The following SHANK2 variants were observed in gnomAD, a reference collection of about 807,000 sequenced individuals.
The protein encoded by SHANK2 is SH3 and multiple ankyrin repeat domains protein 2.
SHANK2 carries 43 observed loss-of-function variants against 133.7 expected under a neutral mutation model. That is an observed-to-expected ratio of 0.32 (90% CI 0.25 to 0.41). The LOEUF (loss-of-function observed/expected upper bound fraction) is 0.41. SHANK2 is among the 10% of genes least tolerant of loss of function. The pLI is 1.00. For missense variants in SHANK2, 1,994 were observed against 2,235.8 expected (o/e 0.89, Z 2.18); for synonymous variants, 1,017 against 952.8 (o/e 1.07, Z -1.24).
intron 11 of SHANK2, among the ~76,000 whole-genome samples, chr11:70,888,783 C>T (rs1240466806): frequency 2.6e-5 from 4 of 151,628 alleles, no homozygotes; most frequent in African/African-American, 4.8e-5. Flanking sequence ...CTCCACTGTA[C>T]TCCAGCCTGG....
intron 1 of SHANK2, among the ~76,000 whole-genome samples, chr11:71,229,676 C>T (rs781902404): frequency 6.6e-6 from 1 of 150,688 alleles, no homozygotes; most frequent in Non-Finnish European, 1.5e-5. Context: ...AGGAGAATAG[C>T]CTGAACCAGG....
chr11:70,636,114 A>G (rs531158715), intron 17 of SHANK2, among the ~76,000 whole-genome samples: 3 of 152,188 alleles, frequency 2.0e-5, no homozygotes, highest in Admixed American at 6.5e-5. Context: ...GCCTTCCCTG[A>G]CCACTCTGTC....
At chr11:70,788,022 G>A (rs1293832801) in intron 14 of SHANK2, among the ~76,000 whole-genome samples, 2 of 152,222 alleles carry the variant, frequency 1.3e-5, no homozygotes, top group Non-Finnish European at 2.9e-5. Flanking sequence ...GTTTGGAACT[G>A]TGTGCTCTGA....
At chr11:71,079,954 A>T (rs1951275987) in intron 8 of SHANK2, among the ~76,000 whole-genome samples, 1 of 145,948 alleles carries the variant, frequency 6.9e-6, no homozygotes, top group Non-Finnish European at 1.5e-5. Context: ...GTGGGGAAGG[A>T]GGGAAAGAAG....
intron 1 of SHANK2, among the ~76,000 whole-genome samples, chr11:71,227,306 C>G (rs925367383): frequency 4.6e-5 from 7 of 151,928 alleles, no homozygotes; most frequent in Non-Finnish European, 1.0e-4. Flanking sequence ...TTAAAAGATA[C>G]AATTAAATGA....
intron 14 of SHANK2, among the ~76,000 whole-genome samples, chr11:70,731,219 T>C (rs782767655): frequency 1.3e-5 from 2 of 152,124 alleles, no homozygotes; most frequent in African/African-American, 2.4e-5. Context: ...AGAGAAAGAC[T>C]ATGTGGGGAC....
chr11:70,863,342 G>C (rs1259833165), intron 11 of SHANK2: 1 of 458,038 alleles, frequency 2.2e-6, no homozygotes, highest in Non-Finnish European at 4.4e-6. Flanking sequence ...CCAGATGCCG[G>C]CTCCCCGAAC....
chr11:70,497,084 A>C, intron 21 of SHANK2: 1 of 453,690 alleles, frequency 2.2e-6, no homozygotes, highest in South Asian at 1.6e-5. Context: ...AGGGGCTAGC[A>C]TTCGTTTTTA....
chr11:70,802,821 T>G (rs1473314028), intron 13 of SHANK2, among the ~76,000 whole-genome samples: 1 of 152,180 alleles, frequency 6.6e-6, no homozygotes, highest in African/African-American at 2.4e-5. Context: ...ATGGGCTTAG[T>G]TTTTTGCTTG....
intron 14 of SHANK2, among the ~76,000 whole-genome samples, chr11:70,717,055 T>C (rs1387992084): frequency 5.9e-5 from 9 of 152,206 alleles, no homozygotes; most frequent in African/African-American, 1.9e-4. Flanking sequence ...TCTCCACCGT[T>C]ACCACGCGGA....
chr11:71,178,873 C>T (rs1368540896), intron 2 of SHANK2, among the ~76,000 whole-genome samples: 3 of 152,130 alleles, frequency 2.0e-5, no homozygotes, highest in Non-Finnish European at 4.4e-5. Flanking sequence ...ATCCCAGCTA[C>T]TCAGCAGGCT....
intron 2 of SHANK2, among the ~76,000 whole-genome samples, chr11:71,168,251 A>C (rs1163418868): frequency 7.5e-6 from 1 of 133,900 alleles, no homozygotes; most frequent in Non-Finnish European, 1.6e-5. Flanking sequence ...GACGCTCCTC[A>C]CTTCCCAGAT....
rs540056174 is a variant in SHANK2 at position 71,128,737 on chromosome 11, G to A, written c.208-9705C>T. 1.3e-3 allele frequency among the ~76,000 whole-genome samples: 193 copies of A among 152,190 alleles called. 3 individuals are homozygous for A. Among genetic ancestry groups the A allele is most frequent in the African/African-American group, 4.3e-3 (178 of 41,510 alleles). On this transcript the variant is annotated intron_variant, in intron 3 of 25. Transcript: ENST00000601538. ...ACATCTGTCTCAGCACCACTGCAAC[G>A]TCCAGCCAGTTAAGTGCTCCTCCCT...
chr11:70,808,660 A>C (rs1221886143), intron 12 of SHANK2, among the ~76,000 whole-genome samples: 3 of 151,064 alleles, frequency 2.0e-5, no homozygotes, highest in Non-Finnish European at 2.9e-5. Flanking sequence ...GCTTGTGGCC[A>C]GGAGGTCGCG....
At chr11:70,729,564 G>A (rs1216885082) in intron 14 of SHANK2, among the ~76,000 whole-genome samples, 1 of 142,732 alleles carries the variant, frequency 7.0e-6, no homozygotes, top group Non-Finnish European at 1.5e-5. Context: ...TCACTCTGTT[G>A]CCCAGGCTGG....
At chr11:70,641,375 AAGCC>A (rs1407924883) in intron 17 of SHANK2, among the ~76,000 whole-genome samples, 3 of 152,106 alleles carry the variant, frequency 2.0e-5, no homozygotes, top group Non-Finnish European at 4.4e-5. Flanking sequence ...TTACAGGCAT[AAGCC>A]ACTGCGCCTG....
Position 70,898,811 on chromosome 11 carries a change from T to C in SHANK2, c.1108-2244A>G, listed in dbSNP as rs564906091. Among the ~76,000 whole-genome samples, 336 of 152,256 alleles carry C rather than the reference T, an allele frequency of 2.2e-3. 2 individuals carry two copies. In the Middle Eastern group the frequency reaches 0.024, roughly 11 times the overall value. ...CAAAAAGTGAAAAAGCCTAACCACATTGCAACAAAACGAACACTGAGGGTA... is the reference window on the plus strand; with the variant it reads ...CAAAAAGTGAAAAAGCCTAACCACACTGCAACAAAACGAACACTGAGGGTA... On this transcript the variant is annotated intron_variant, in intron 10 of 25. Coordinates refer to ENST00000601538, the MANE Select transcript of SHANK2 (RefSeq NM_012309.5).
intron 11 of SHANK2, among the ~76,000 whole-genome samples, chr11:70,856,558 G>A (rs991041471): frequency 3.9e-5 from 6 of 152,110 alleles, no homozygotes; most frequent in African/African-American, 1.4e-4. Context: ...GTAGGTGGCT[G>A]GATGAATGAA....
chr11:70,791,558 C>A (rs1446322871), intron 14 of SHANK2, among the ~76,000 whole-genome samples: 4 of 152,204 alleles, frequency 2.6e-5, no homozygotes, highest in Non-Finnish European at 5.9e-5. Context: ...TCATACGCAT[C>A]ATCTCCAGGC....
Sources: allele counts gnomAD v4.1 joint callset (sites outside exome capture counted in the v4.1 genomes callset), GRCh38; gene constraint gnomAD v4.1.1; transcripts MANE v1.5; gene names NCBI Gene and HGNC (gene_info 2026-07-23, HGNC 2026-07-21).